Variants in METTL22 observed in about 807,000 individuals in gnomAD.
The protein encoded by METTL22 is methyltransferase 22, Kin17 lysine.
In METTL22, 51 loss-of-function variants were observed where a neutral mutation model predicts 48.4. That is an observed-to-expected ratio of 1.05 (90% CI 0.84 to 1.33). The LOEUF (loss-of-function observed/expected upper bound fraction) is 1.33. Among genes scored for constraint, METTL22 ranks in the 40% most tolerant of loss-of-function variants. METTL22 has a pLI of 0.00. For synonymous variants in METTL22, 255 were observed against 214.1 expected (o/e 1.19, Z -1.67); for missense variants, 678 against 526.9 (o/e 1.29, Z -2.81).
the METTL22 span, among the ~76,000 whole-genome samples, chr16:8,662,411 G>A: frequency 2.1e-5 from 3 of 144,870 alleles, no homozygotes; most frequent in Non-Finnish European, 3.0e-5. Context: ...CATTGTCTTT[G>A]GATGGATTGA....
At chr16:8,642,097 G>C in intron 7 of METTL22, 30 bp from the exon 8 acceptor site, 1 of 1,561,628 alleles carries the variant, frequency 6.4e-7, no homozygotes, top group South Asian at 1.1e-5. Flanking sequence ...GAAGGCAATG[G>C]GCACAAAGTG....
At chr16:8,661,362 G>A in the METTL22 span, among the ~76,000 whole-genome samples, 5 of 151,982 alleles carry the variant, frequency 3.3e-5, no homozygotes, top group Middle Eastern at 3.4e-3. Context: ...AGAACTTACC[G>A]TTGGCCGGGC....
chr16:8,623,790 G>T (rs966531504), intron 1 of METTL22: 2 of 152,156 alleles, frequency 1.3e-5, no homozygotes, highest in African/African-American at 4.8e-5. Flanking sequence ...CTTAAATGTA[G>T]GAACTCCAGC....
At chr16:8,659,798 A>C in the METTL22 span, among the ~76,000 whole-genome samples, 3 of 151,654 alleles carry the variant, frequency 2.0e-5, no homozygotes, top group Non-Finnish European at 4.4e-5. Context: ...GTCTTGGCTC[A>C]CTGCAGCCTC....
the METTL22 span, among the ~76,000 whole-genome samples, chr16:8,660,299 C>T: frequency 6.6e-6 from 1 of 152,024 alleles, no homozygotes; most frequent in East Asian, 1.9e-4. Flanking sequence ...GCCTCAGCCT[C>T]CCAAGCTGGA....
In METTL22 at chr16:8,646,746, C is replaced by T. The variant is rs1013660416; in HGVS notation, c.*603C>T. The T allele has an allele frequency of 2.2e-6, 1 of 446,478 alleles. No homozygotes were observed. The highest frequency in any genetic ancestry group is 4.6e-6 in the Non-Finnish European group (1 of 219,620). The allele number at this position is 446,478 out of a possible 1,614,324, so 27.7% of individuals were successfully genotyped here. Reference sequence around the variant, plus strand: ...GGTACGTTTGGAATAAACCTAAGAGCCACTCTTTGGGGTCATGTGCAGCTG... The same window carrying T: ...GGTACGTTTGGAATAAACCTAAGAGTCACTCTTTGGGGTCATGTGCAGCTG... On this transcript the variant is annotated 3_prime_UTR_variant, in exon 11 of 11. Coordinates refer to ENST00000381920, the MANE Select transcript of METTL22 (RefSeq NM_024109.4).
intron 6 of METTL22, among the ~76,000 whole-genome samples, chr16:8,640,411 A>G (rs2056560209): frequency 6.6e-6 from 1 of 151,900 alleles, no homozygotes; most frequent in South Asian, 2.1e-4. Context: ...GATGGGGAGC[A>G]TGACTCTTAA....
chr16:8,644,952 C>G (rs1011948935), intron 10 of METTL22: 5 of 441,162 alleles, frequency 1.1e-5, no homozygotes, highest in Non-Finnish European at 2.0e-5. Context: ...CGAACCTTGT[C>G]TTTTACTTTA....
At chr16:8,650,357 G>C (rs2056876716), downstream of METTL22, among the ~76,000 whole-genome samples, 1 of 152,224 alleles carries the variant, frequency 6.6e-6, no homozygotes, top group African/African-American at 2.4e-5. Flanking sequence ...CAACTCCGGA[G>C]TTGAGCAAGC....
intron 2 of METTL22, among the ~76,000 whole-genome samples, chr16:8,627,766 G>T (rs776381588): frequency 3.3e-4 from 50 of 152,162 alleles, no homozygotes; most frequent in Non-Finnish European, 6.0e-4. Flanking sequence ...CATTTTATGA[G>T]ACAGGGTCTC....
downstream of METTL22, among the ~76,000 whole-genome samples, chr16:8,654,335 A>C (rs1405468980): frequency 6.6e-6 from 1 of 152,202 alleles, no homozygotes; most frequent in Non-Finnish European, 1.5e-5. Flanking sequence ...ATAACTTATA[A>C]ATGGCAGCTC....
chr16:8,641,027 TG>T, intron 6 of METTL22, 103 bp from the exon 7 acceptor site: 1 of 1,036,958 alleles, frequency 9.6e-7, no homozygotes, highest in East Asian at 2.7e-5. Context: ...AGAGCAAGGG[TG>T]GGTGGGTGGA....
chr16:8,623,131 T>C (rs1328172729), intron 1 of METTL22, among the ~76,000 whole-genome samples: 2 of 151,966 alleles, frequency 1.3e-5, no homozygotes, highest in Non-Finnish European at 2.9e-5. Context: ...CTGGCCAACA[T>C]GGCAAAACCC....
At chr16:8,630,925 A>T (rs8061405) in intron 3 of METTL22, among the ~76,000 whole-genome samples, 26 of 152,298 alleles carry the variant, frequency 1.7e-4, no homozygotes, top group African/African-American at 6.0e-4. Flanking sequence ...CTAATCCTGC[A>T]GGGCTGGATT....
rs778143938 is a variant in METTL22 at position 8,644,629 on chromosome 16, G to A, written c.1083G>A (p.Ala361=). The change falls in exon 10 of 11, where the codon GCG becomes GCA. Residue 361 remains alanine, a synonymous_variant. Transcript: ENST00000381920. ...AYDHFRSCLH[A]LEQLADGKLR... Reference sequence around the variant, plus strand: ...ATCACTTCCGCTCCTGCCTGCACGCGCTGGAGCAGCTCGCAGATGGCAAGC... The same window carrying A: ...ATCACTTCCGCTCCTGCCTGCACGCACTGGAGCAGCTCGCAGATGGCAAGC... 23 of 1,606,076 alleles carry A rather than the reference G, an allele frequency of 1.4e-5. No homozygotes were observed. In the African/African-American group the frequency reaches 2.0e-4, roughly 14 times the overall value.
the METTL22 span, chr16:8,666,706 CTCTT>C: frequency 1.3e-5 from 2 of 152,050 alleles, no homozygotes; most frequent in African/African-American, 4.8e-5. Context: ...GAGCCCAACT[CTCTT>C]TAACTCCAGA....
At chr16:8,625,905 T>C in intron 2 of METTL22, 107 bp downstream of exon 2, 1 of 1,385,340 alleles carries the variant, frequency 7.2e-7, no homozygotes. Context: ...GTAACTGTTA[T>C]CCTCAGACCA....
At chr16:8,642,386 T>A (rs903174719) in intron 8 of METTL22, 77 bp from the exon 9 acceptor site, 4 of 1,389,848 alleles carry the variant, frequency 2.9e-6, no homozygotes, top group Non-Finnish European at 4.1e-6. Flanking sequence ...ATTCTCTCTG[T>A]GCGGATTGCT....
At chr16:8,663,475 A>G in the METTL22 span, among the ~76,000 whole-genome samples, 109 of 152,200 alleles carry the variant, frequency 7.2e-4, no homozygotes, top group African/African-American at 2.4e-3. Flanking sequence ...GGTTTCTATG[A>G]CAACACATAC....
Sources: allele counts gnomAD v4.1 joint callset (sites outside exome capture counted in the v4.1 genomes callset), GRCh38; gene constraint gnomAD v4.1.1; transcripts MANE v1.5; gene names NCBI Gene and HGNC (gene_info 2026-07-23, HGNC 2026-07-21).